Variants in CLOCK observed in about 807,000 individuals in gnomAD.
CLOCK encodes the protein clock circadian regulator.
In CLOCK, 43 loss-of-function variants were observed where a neutral mutation model predicts 118.4. The ratio of observed to expected loss-of-function variants is 0.36; its 90% CI spans 0.28 to 0.47. The LOEUF (loss-of-function observed/expected upper bound fraction) is 0.47, where lower values mean the gene tolerates loss of function less well. Ranked by LOEUF, CLOCK falls within the 20% of genes least tolerant of loss-of-function variation. The pLI is 1.00. For missense variants in CLOCK, 846 were observed against 999.9 expected (o/e 0.85, Z 2.08); for synonymous variants, 326 against 339.2 (o/e 0.96, Z 0.43).
At chr4:55,492,367 A>C (rs1228973622) in intron 2 of CLOCK, among the ~76,000 whole-genome samples, 2 of 151,766 alleles carry the variant, frequency 1.3e-5, no homozygotes, top group African/African-American at 4.8e-5. Flanking sequence ...TAAAAAAAAA[A>C]AACGCCATTC....
chr4:55,449,517 A>G, intron 16 of CLOCK, 21 bp from the exon 17 acceptor site: 1 of 1,550,626 alleles, frequency 6.4e-7, no homozygotes, highest in Non-Finnish European at 8.9e-7. Context: ...CAAAATCAGA[A>G]GAGCATTAGT....
intron 6 of CLOCK, among the ~76,000 whole-genome samples, chr4:55,476,711 AATT>A (rs1444725619): frequency 5.3e-5 from 8 of 152,184 alleles, no homozygotes; most frequent in African/African-American, 1.9e-4. Context: ...TGTTTGTCAC[AATT>A]ATTACCATTT....
chr4:55,444,873 CAT>C lies in CLOCK; in HGVS notation c.1540-90_1540-89del, dbSNP rs1392006006. On this transcript the variant is annotated intron_variant, in intron 18 of 22. Coordinates refer to ENST00000513440, the MANE Select transcript of CLOCK (RefSeq NM_004898.4). ...ACAACATGAAAAGTAAGCAGTATAA[CAT>C]GAGTGAAGGATGATAACATCCTTCA... The C allele has an allele frequency of 3.0e-6, 4 of 1,345,148 alleles. No individual in the cohort carries two copies. The African/African-American group carries it at 5.8e-5, about 19-fold the overall frequency. The allele number at this position is 1,345,148 out of a possible 1,614,324, so 83.3% of individuals were successfully genotyped here. A position where few individuals can be genotyped will look rare whatever the true frequency, so the allele number is the denominator to read the frequency against.
chr4:55,495,002 C>T (rs560683934), intron 2 of CLOCK, among the ~76,000 whole-genome samples: 10 of 152,120 alleles, frequency 6.6e-5, no homozygotes, highest in South Asian at 4.1e-4. Context: ...ATACAGAATC[C>T]GGTTTCTCTC....
chr4:55,498,535 C>T (rs966195516), intron 2 of CLOCK, among the ~76,000 whole-genome samples: 1 of 151,962 alleles, frequency 6.6e-6, no homozygotes, highest in Non-Finnish European at 1.5e-5. Context: ...ATATGTTACC[C>T]ATTTCTGCTT....
At position 55,502,353 on chromosome 4, in the gene CLOCK, T is replaced by C. The variant is rs546189670; in HGVS notation, c.-136+7559A>G. 3.3e-5 allele frequency among the ~76,000 whole-genome samples: 5 copies of C among 152,272 alleles called. No homozygotes were observed. In the East Asian group the frequency reaches 9.6e-4, roughly 29 times the overall value. On this transcript the variant is annotated intron_variant, in intron 2 of 22. Coordinates refer to ENST00000513440, the MANE Select transcript of CLOCK (RefSeq NM_004898.4). The stretch of plus-strand genomic sequence containing the variant: ...TAAAGCTACAGTAATTAAAAGAGTA[T>C]GGCAATGGCATGACAGACCAACAGA...
chr4:55,481,186 A>G (rs1025901002), intron 4 of CLOCK, among the ~76,000 whole-genome samples: 1 of 152,176 alleles, frequency 6.6e-6, no homozygotes, highest in Non-Finnish European at 1.5e-5. Context: ...TATGCTATAA[A>G]ATGGAGTCAC....
At chr4:55,442,184 C>T (rs3805149) in intron 21 of CLOCK, 176,384 of 469,770 alleles carry the variant, frequency 0.38, 35,483 homozygotes, top group East Asian at 0.61. Context: ...CAGTGTGCTG[C>T]AGAATTTGTA....
At chr4:55,480,628 C>G (rs918883529) in intron 4 of CLOCK, among the ~76,000 whole-genome samples, 1 of 152,160 alleles carries the variant, frequency 6.6e-6, no homozygotes, top group Non-Finnish European at 1.5e-5. Context: ...CAGTGGCTCA[C>G]GCCTGTAATC....
intron 2 of CLOCK, among the ~76,000 whole-genome samples, chr4:55,489,991 C>CA (rs1419650945): frequency 2.0e-5 from 3 of 151,768 alleles, no homozygotes; most frequent in Non-Finnish European, 4.4e-5. Flanking sequence ...AGAGGGACAA[C>CA]AGCACTACAA....
chr4:55,495,160 TA>T (rs1168762828), intron 2 of CLOCK, among the ~76,000 whole-genome samples: 3 of 152,106 alleles, frequency 2.0e-5, no homozygotes, highest in Non-Finnish European at 4.4e-5. Context: ...CCCCCATCCC[TA>T]TATACTTTCA....
At chr4:55,524,443 T>C in intron 1 of CLOCK, among the ~76,000 whole-genome samples, 1 of 151,784 alleles carries the variant, frequency 6.6e-6, no homozygotes, top group East Asian at 1.9e-4. Flanking sequence ...AAGAAAATAT[T>C]AATACCTATT....
At chr4:55,511,096 A>T (rs1188028466) in intron 1 of CLOCK, among the ~76,000 whole-genome samples, 1 of 152,214 alleles carries the variant, frequency 6.6e-6, no homozygotes, top group Non-Finnish European at 1.5e-5. Flanking sequence ...CCATGGATGG[A>T]TAAAAGAATC....
At chr4:55,499,869 A>G (rs148616775) in intron 2 of CLOCK, among the ~76,000 whole-genome samples, 27 of 152,278 alleles carry the variant, frequency 1.8e-4, no homozygotes, top group African/African-American at 6.3e-4. Context: ...CATACATGCA[A>G]TTAGGGAATC....
At chr4:55,494,977 T>C (rs996575447) in intron 2 of CLOCK, among the ~76,000 whole-genome samples, 2 of 152,148 alleles carry the variant, frequency 1.3e-5, no homozygotes, top group East Asian at 1.9e-4. Context: ...ATTTGTATGG[T>C]AGCAACAGAA....
rs60471915 is a variant in CLOCK, at chr4:55,503,978, TAAA to T, written c.-136+5931_-136+5933del. Among the ~76,000 whole-genome samples, 448 of 71,152 alleles carry T rather than the reference TAAA, an allele frequency of 6.3e-3. 15 individuals are homozygous for T. Among genetic ancestry groups the T allele is most frequent in the Non-Finnish European group, 9.1e-3 (357 of 39,416 alleles). The allele number at this position is 71,152 out of a possible 152,430, so 46.7% of individuals were successfully genotyped here. A position where few individuals can be genotyped will look rare whatever the true frequency, so the allele number is the denominator to read the frequency against. The stretch of plus-strand genomic sequence containing the variant: ...ACAGTTTCTATTTGGCAAAAAGAGG[TAAA>T]AAAAAAAAAAAAAAAAAAAAAAGCC... On this transcript the variant is annotated intron_variant, in intron 2 of 22. Transcript: ENST00000513440.
rs1175994549 is a variant in CLOCK at position 55,434,577 on chromosome 4, T to C, written c.*838A>G. On this transcript the variant is annotated 3_prime_UTR_variant, in exon 23 of 23. Transcript: ENST00000513440. ...TGAATAACTTGAAAATCCTGTTGTA[T>C]CAATAATTTAACCTGAAAAAAAAAA... 2.8e-5 allele frequency: 4 copies of C among 142,352 alleles called. No individual in the cohort carries two copies. The highest frequency in any genetic ancestry group is 7.6e-5 in the Admixed American group (1 of 13,200). The allele number at this position is 142,352 out of a possible 1,614,324, so 8.8% of individuals were successfully genotyped here. A position where few individuals can be genotyped will look rare whatever the true frequency, so the allele number is the denominator to read the frequency against.
At position 55,443,634 on chromosome 4, in the gene CLOCK, T is replaced by C. The variant is rs558239887; in HGVS notation, c.1902+53A>G. ...AGCTTTATTTCTGCTTCAGCAATAG[T>C]GTGCCTTCCAACCACTGATCACTCC... is the stretch of plus-strand genomic sequence containing the variant. On this transcript the variant is annotated intron_variant, in intron 20 of 22. Transcript: ENST00000513440. 138 of 1,336,922 alleles carry C rather than the reference T, an allele frequency of 1.0e-4. No individual in the cohort carries two copies. The Admixed American group carries it at 2.3e-3, about 22-fold the overall frequency. 82.8% of individuals were successfully genotyped at this position (1,336,922 alleles called of 1,614,324 possible). A position where few individuals can be genotyped will look rare whatever the true frequency, so the allele number is the denominator to read the frequency against.
intron 1 of CLOCK, among the ~76,000 whole-genome samples, chr4:55,530,267 TAAC>T (rs764858980): frequency 1.3e-5 from 2 of 151,948 alleles, no homozygotes; most frequent in African/African-American, 2.4e-5. Flanking sequence ...ATTTAGAAAA[TAAC>T]AAGACAGAAT....
Sources: allele counts gnomAD v4.1 joint callset (sites outside exome capture counted in the v4.1 genomes callset), GRCh38; gene constraint gnomAD v4.1.1; transcripts MANE v1.5; gene names NCBI Gene and HGNC (gene_info 2026-07-23, HGNC 2026-07-21).